Variants in ANO2 observed in about 807,000 individuals in gnomAD.
The protein encoded by ANO2 is anoctamin-2.
A neutral mutation model predicts 124.2 loss-of-function variants in ANO2; 101 were observed. The ratio of observed to expected loss-of-function variants is 0.81; its 90% CI spans 0.69 to 0.96. The LOEUF is 0.96. Ranked by LOEUF, ANO2 falls within the 40% of genes least tolerant of loss-of-function variation. ANO2 has a pLI of 0.00. For missense variants in ANO2, 1,293 were observed against 1,274.5 expected, an observed-to-expected ratio of 1.01 and a Z score of -0.22; for synonymous variants, 486 against 482.5, an observed-to-expected ratio of 1.01 and a Z score of -0.09.
intron 7 of ANO2, among the ~76,000 whole-genome samples, chr12:5,810,020 T>A (rs566421490): frequency 6.6e-6 from 1 of 152,340 alleles, no homozygotes; most frequent in Non-Finnish European, 1.5e-5. Flanking sequence ...AGGTAAAAGG[T>A]CCTTTGCTTT....
At chr12:5,804,050 C>G (rs1032021160) in intron 9 of ANO2, among the ~76,000 whole-genome samples, 3 of 152,148 alleles carry the variant, frequency 2.0e-5, no homozygotes, top group Admixed American at 2.0e-4. Flanking sequence ...CCCTACACTG[C>G]GGCTCCCAAG....
At chr12:5,826,437 C>CATATATATAT (rs10526567) in intron 7 of ANO2, among the ~76,000 whole-genome samples, 18 of 144,322 alleles carry the variant, frequency 1.2e-4, no homozygotes, top group African/African-American at 3.3e-4. Flanking sequence ...TTAATAAACT[C>CATATATATAT]ATATATATAT....
At chr12:5,752,938 G>C (rs1318689543) in intron 10 of ANO2, among the ~76,000 whole-genome samples, 1 of 152,162 alleles carries the variant, frequency 6.6e-6, no homozygotes, top group Non-Finnish European at 1.5e-5. Flanking sequence ...TGGATATCCA[G>C]TTTTCCCAAT....
chr12:5,778,943 GGTTCCCAA>G (rs1295626925), intron 10 of ANO2, among the ~76,000 whole-genome samples: 1 of 152,114 alleles, frequency 6.6e-6, no homozygotes, highest in Non-Finnish European at 1.5e-5. Flanking sequence ...TTTATTTTTT[GGTTCCCAA>G]GTTCCCAGTT....
intron 7 of ANO2, among the ~76,000 whole-genome samples, chr12:5,816,545 T>C (rs560766612): frequency 3.9e-5 from 6 of 152,052 alleles, no homozygotes; most frequent in Non-Finnish European, 8.8e-5. Flanking sequence ...ATTCCACTCC[T>C]ACTCTGTAGC....
At chr12:5,727,872 T>C (rs1161955495) in intron 14 of ANO2, among the ~76,000 whole-genome samples, 1 of 151,268 alleles carries the variant, frequency 6.6e-6, no homozygotes, top group Non-Finnish European at 1.5e-5. Flanking sequence ...AGTCGTGCAA[T>C]CTCGGCTCAC....
intron 7 of ANO2, among the ~76,000 whole-genome samples, chr12:5,810,686 C>A (rs1953358210): frequency 6.6e-6 from 1 of 152,186 alleles, no homozygotes. Flanking sequence ...CAAAGTATAG[C>A]CCCTGAGGAG....
intron 14 of ANO2, among the ~76,000 whole-genome samples, chr12:5,731,331 C>A (rs1166074728): frequency 6.6e-6 from 1 of 151,578 alleles, no homozygotes; most frequent in African/African-American, 2.4e-5. Context: ...CAGAGGGCCA[C>A]CCTCTCTGTT....
chr12:5,884,218 G>T (rs1938720817), intron 3 of ANO2, among the ~76,000 whole-genome samples: 1 of 152,188 alleles, frequency 6.6e-6, no homozygotes, highest in Non-Finnish European at 1.5e-5. Flanking sequence ...GATTCTAGCT[G>T]CCACCACCAG....
intron 7 of ANO2, among the ~76,000 whole-genome samples, chr12:5,812,440 GAGAA>G (rs1263710173): frequency 9.5e-6 from 1 of 105,106 alleles, no homozygotes; most frequent in Non-Finnish European, 1.8e-5. Flanking sequence ...AAAAGAAAGA[GAGAA>G]AGGAAGAAAG....
At chr12:5,788,167 G>A (rs1400640047) in intron 10 of ANO2, among the ~76,000 whole-genome samples, 1 of 152,176 alleles carries the variant, frequency 6.6e-6, no homozygotes, top group African/African-American at 2.4e-5. Flanking sequence ...TAAGCAAAAT[G>A]TGCACACCTG....
Position 5,807,336 on chromosome 12 carries a change from C to T in ANO2, c.925G>A (p.Glu309Lys). ...ACGTCATGAAGAGGGTAGGCAGCCT[C>T]ATAGATATTGTTTGCGATCAGAGAG... Reference protein sequence around the residue: ...INSLIANNIYEAAYPLHDGEY... With the variant: ...INSLIANNIYKAAYPLHDGEY... The change falls in exon 8 of 25, where the codon GAG becomes AAG. Residue 309 changes from glutamate (E) to lysine (K), a missense_variant. Transcript: ENST00000682330. The T allele has an allele frequency of 6.4e-7, 1 of 1,556,268 alleles. No individual in the cohort carries two copies. Among genetic ancestry groups the T allele is most frequent in the East Asian group, 2.4e-5 (1 of 41,586 alleles).
intron 15 of ANO2, among the ~76,000 whole-genome samples, chr12:5,644,832 T>C (rs890394518): frequency 6.6e-6 from 1 of 152,226 alleles, no homozygotes; most frequent in Non-Finnish European, 1.5e-5. Flanking sequence ...TTCTTGGGCA[T>C]AGAATTCTTA....
intron 16 of ANO2, among the ~76,000 whole-genome samples, chr12:5,626,065 T>C (rs948661493): frequency 1.3e-5 from 2 of 152,074 alleles, no homozygotes; most frequent in African/African-American, 4.8e-5. Flanking sequence ...ACTTCCTTAG[T>C]AAAAGAAGTG....
At chr12:5,923,200 GCA>G (rs71728352) in intron 1 of ANO2, among the ~76,000 whole-genome samples, 7,116 of 72,620 alleles carry the variant, frequency 0.098, 1,331 homozygotes, top group Middle Eastern at 0.19. Context: ...ACACACGCAC[GCA>G]CACACACCCA....
chr12:5,858,641 T>A (rs1955178813), intron 3 of ANO2: 1 of 152,190 alleles, frequency 6.6e-6, no homozygotes, highest in Non-Finnish European at 1.5e-5. Context: ...GGATGAGAAA[T>A]GTTGCATGGC....
At chr12:5,815,249 G>T (rs532583100) in intron 7 of ANO2, among the ~76,000 whole-genome samples, 57 of 152,250 alleles carry the variant, frequency 3.7e-4, no homozygotes, top group African/African-American at 1.3e-3. Flanking sequence ...ATTCTAATGA[G>T]CTTGTTTTTC....
intron 3 of ANO2, among the ~76,000 whole-genome samples, chr12:5,874,997 T>C (rs1278577661): frequency 6.6e-6 from 1 of 152,202 alleles, no homozygotes; most frequent in Non-Finnish European, 1.5e-5. Context: ...GAAGCTGGAT[T>C]TGGCTTGCAG....
intron 7 of ANO2, among the ~76,000 whole-genome samples, chr12:5,812,387 G>GAA (rs1344806837): frequency 7.2e-6 from 1 of 139,422 alleles, no homozygotes; most frequent in African/African-American, 2.7e-5. Flanking sequence ...AAGAAAGAAA[G>GAA]AAGGGAAGGA....
Sources: gnomAD v4.1 joint callset for allele counts (sites outside exome capture counted in the v4.1 genomes callset) on GRCh38, gnomAD v4.1.1 for gene constraint, MANE v1.5 for transcripts, NCBI Gene and HGNC (gene_info 2026-07-23, HGNC 2026-07-21) for gene names.